The following PDE1C variants were observed in gnomAD, a reference collection of about 807,000 sequenced individuals.
The protein encoded by PDE1C is phosphodiesterase 1C, also known as dual specificity calcium/calmodulin-dependent 3',5'-cyclic nucleotide phosphodiesterase 1C.
PDE1C carries 62 observed loss-of-function variants against 93.1 expected under a neutral mutation model. The ratio of observed to expected loss-of-function variants is 0.67; its 90% CI spans 0.54 to 0.82. The LOEUF (loss-of-function observed/expected upper bound fraction) is 0.82, where lower values mean the gene tolerates loss of function less well. Ranked by LOEUF, PDE1C falls within the 40% of genes least tolerant of loss-of-function variation. PDE1C has a pLI of 0.00. For missense variants in PDE1C, 742 were observed against 884.6 expected, an observed-to-expected ratio of 0.84 and a Z score of 2.04; for synonymous variants, 325 against 310.1, an observed-to-expected ratio of 1.05 and a Z score of -0.50.
At chr7:31,990,228 A>G (rs549420936) in intron 2 of PDE1C, among the ~76,000 whole-genome samples, 1 of 152,280 alleles carries the variant, frequency 6.6e-6, no homozygotes, top group East Asian at 1.9e-4. Context: ...GTGGGAGGTA[A>G]TTGAATCATG....
intron 2 of PDE1C, among the ~76,000 whole-genome samples, chr7:32,003,376 A>G (rs1423923463): frequency 6.6e-6 from 1 of 152,254 alleles, no homozygotes; most frequent in Admixed American, 6.5e-5. Context: ...TGTGAGCTCC[A>G]AGAGTGCATT....
chr7:32,293,230 T>C (rs1323817249), intron 1 of PDE1C, among the ~76,000 whole-genome samples: 2 of 152,098 alleles, frequency 1.3e-5, no homozygotes, highest in Non-Finnish European at 2.9e-5. Context: ...GAGAAGAAAA[T>C]TGAGGCTGAG....
At chr7:32,065,058 G>C (rs1266782804) in intron 1 of PDE1C, among the ~76,000 whole-genome samples, 28 of 151,120 alleles carry the variant, frequency 1.9e-4, no homozygotes, top group South Asian at 6.4e-4. Context: ...CGGTGGGGGG[G>C]GGGGGGAGGA....
chr7:31,961,687 A>C (rs577120990), intron 2 of PDE1C, among the ~76,000 whole-genome samples: 4 of 152,188 alleles, frequency 2.6e-5, no homozygotes, highest in Admixed American at 1.3e-4. Flanking sequence ...TCCCCCACAC[A>C]CTTAGATGTC....
intron 1 of PDE1C, among the ~76,000 whole-genome samples, chr7:32,265,893 T>G (rs950049737): frequency 6.6e-6 from 1 of 152,004 alleles, no homozygotes; most frequent in African/African-American, 2.4e-5. Flanking sequence ...AATGAATTTG[T>G]GGGAACATCT....
At chr7:31,623,996 A>G in the PDE1C span, among the ~76,000 whole-genome samples, 1 of 149,486 alleles carries the variant, frequency 6.7e-6, no homozygotes, top group African/African-American at 2.5e-5. Context: ...CAGAGAGCCA[A>G]ATCATGAGTG....
At chr7:32,147,301 A>AAAGAAAGAAAG in intron 3 of PDE1C, among the ~76,000 whole-genome samples, 1 of 133,778 alleles carries the variant, frequency 7.5e-6, no homozygotes, top group South Asian at 2.4e-4. Flanking sequence ...AGAAAGAAAG[A>AAAGAAAGAAAG]AAGAAAGAAA....
intron 2 of PDE1C, among the ~76,000 whole-genome samples, chr7:31,997,602 G>A (rs898373357): frequency 1.3e-5 from 2 of 152,172 alleles, no homozygotes; most frequent in Admixed American, 6.5e-5. Flanking sequence ...GTTGCTGAAG[G>A]GGTGTCAAGA....
At chr7:31,777,305 G>A (rs1197476007) in intron 16 of PDE1C, among the ~76,000 whole-genome samples, 1 of 152,012 alleles carries the variant, frequency 6.6e-6, no homozygotes, top group South Asian at 2.1e-4. Flanking sequence ...CACTTTGGAT[G>A]ACGTTTGATA....
At chr7:31,647,144 C>G in the PDE1C span, among the ~76,000 whole-genome samples, 11 of 152,186 alleles carry the variant, frequency 7.2e-5, no homozygotes, top group African/African-American at 2.7e-4. Context: ...GACAGGAGAC[C>G]GCTTAAAGAC....
intron 2 of PDE1C, among the ~76,000 whole-genome samples, chr7:32,205,930 C>A (rs1805443665): frequency 1.3e-5 from 2 of 152,152 alleles, no homozygotes; most frequent in African/African-American, 4.8e-5. Context: ...ATGGACACAC[C>A]ATCTGTAAGA....
chr7:31,823,279 A>G, intron 13 of PDE1C, 31 bp from the exon 14 acceptor site: 9 of 1,580,758 alleles, frequency 5.7e-6, no homozygotes, highest in Non-Finnish European at 7.7e-6. Context: ...ACCAAAGAAG[A>G]GAGTTAGTGT....
chr7:31,981,531 T>C (rs1458705954), intron 2 of PDE1C, among the ~76,000 whole-genome samples: 1 of 152,236 alleles, frequency 6.6e-6, no homozygotes, highest in African/African-American at 2.4e-5. Context: ...TCCCTGGATT[T>C]TCATCATTAA....
At chr7:32,319,857 G>A (rs1199811189) in intron 1 of PDE1C, among the ~76,000 whole-genome samples, 4 of 152,156 alleles carry the variant, frequency 2.6e-5, no homozygotes, top group African/African-American at 9.7e-5. Context: ...CCTATTTCAT[G>A]TTGACTAAAA....
At chr7:31,875,053 C>T (rs1796373250) in intron 5 of PDE1C, among the ~76,000 whole-genome samples, 1 of 152,192 alleles carries the variant, frequency 6.6e-6, no homozygotes, top group South Asian at 2.1e-4. Context: ...CACTAGGGCG[C>T]AGGCTATAGA....
chr7:31,867,793 G>A (rs1795478879), intron 6 of PDE1C, among the ~76,000 whole-genome samples: 1 of 150,826 alleles, frequency 6.6e-6, no homozygotes, highest in Admixed American at 6.6e-5. Flanking sequence ...CCCAAGGCAT[G>A]GGACAGGCAT....
At chr7:31,874,710 G>A (rs62455986) in intron 5 of PDE1C, among the ~76,000 whole-genome samples, 18,204 of 152,228 alleles carry the variant, frequency 0.12, 1,570 homozygotes, top group East Asian at 0.25. Flanking sequence ...CACACTTAGT[G>A]GTAACCTCAC....
intron 1 of PDE1C, among the ~76,000 whole-genome samples, chr7:32,328,879 G>T (rs1783457312): frequency 6.6e-6 from 1 of 152,162 alleles, no homozygotes; most frequent in East Asian, 1.9e-4. Flanking sequence ...GGTCACTACT[G>T]CATGTCCAGT....
At chr7:31,637,868 A>G in the PDE1C span, among the ~76,000 whole-genome samples, 1 of 152,172 alleles carries the variant, frequency 6.6e-6, no homozygotes, top group Admixed American at 6.5e-5. Context: ...TTATGGTTTT[A>G]GGTCTAACAT....
Sources: gnomAD v4.1 joint callset for allele counts (sites outside exome capture counted in the v4.1 genomes callset) on GRCh38, gnomAD v4.1.1 for gene constraint, MANE v1.5 for transcripts, NCBI Gene and HGNC (gene_info 2026-07-23, HGNC 2026-07-21) for gene names.